The following PRKAR1A variants were observed in gnomAD, a reference collection of about 807,000 sequenced individuals.
The protein encoded by PRKAR1A is protein kinase cAMP-dependent type I regulatory subunit alpha.
In PRKAR1A, 3 loss-of-function variants were observed where a neutral mutation model predicts 52.0. That is an observed-to-expected ratio of 0.06 (90% CI 0.03 to 0.15). The LOEUF (loss-of-function observed/expected upper bound fraction) is 0.15. Ranked by LOEUF, PRKAR1A falls within the 10% of genes least tolerant of loss-of-function variation. The probability of loss-of-function intolerance (pLI) is 1.00; values close to 1 mark genes in which losing one functional copy is unlikely to be tolerated. For missense variants in PRKAR1A, 240 were observed against 477.4 expected, an observed-to-expected ratio of 0.50 and a Z score of 4.63; for synonymous variants, 188 against 168.4, an observed-to-expected ratio of 1.12 and a Z score of -0.90.
chr17:68,549,447 T>G (rs573968577), intron 11 of PRKAR1A, among the ~76,000 whole-genome samples: 1 of 149,302 alleles, frequency 6.7e-6, no homozygotes, highest in Admixed American at 6.7e-5. Flanking sequence ...TGAGCCGAGA[T>G]AGCGCCACTG....
the PRKAR1A span, among the ~76,000 whole-genome samples, chr17:68,491,811 G>A: frequency 6.6e-6 from 1 of 151,510 alleles, no homozygotes; most frequent in Non-Finnish European, 1.5e-5. Context: ...AAAAAAGTAG[G>A]TGGGATCCTT....
At chr17:68,462,916 G>T in the PRKAR1A span, among the ~76,000 whole-genome samples, 1 of 152,084 alleles carries the variant, frequency 6.6e-6, no homozygotes, top group South Asian at 2.1e-4. Context: ...ATTTACCAAG[G>T]GTACATCTAG....
At chr17:68,464,699 CAAA>C in the PRKAR1A span, among the ~76,000 whole-genome samples, 1 of 81,082 alleles carries the variant, frequency 1.2e-5, no homozygotes, top group South Asian at 3.4e-4. Flanking sequence ...AAAAAAAAAA[CAAA>C]AAAAACAAAA....
At chr17:68,429,987 T>C in the PRKAR1A span, 1 of 1,614,054 alleles carries the variant, frequency 6.2e-7, no homozygotes, top group Non-Finnish European at 8.5e-7. Context: ...TGGGTGTCAT[T>C]GTACGTACGT....
chr17:68,422,110 C>T, the PRKAR1A span: 1 of 377,608 alleles, frequency 2.6e-6, no homozygotes, highest in Non-Finnish European at 4.9e-6. Context: ...TACTTGTAAA[C>T]ATGGACTGCT....
chr17:68,513,850 G>T (rs371056234), intron 1 of PRKAR1A, among the ~76,000 whole-genome samples: 2 of 152,054 alleles, frequency 1.3e-5, no homozygotes, highest in South Asian at 4.1e-4. Flanking sequence ...ATCTCTACCA[G>T]CCAAAGACCT....
At chr17:68,426,438 G>A in the PRKAR1A span, among the ~76,000 whole-genome samples, 1 of 152,136 alleles carries the variant, frequency 6.6e-6, no homozygotes, top group Admixed American at 6.5e-5. Flanking sequence ...TCAGTATGTT[G>A]CCCAGGCTGG....
the PRKAR1A span, among the ~76,000 whole-genome samples, chr17:68,414,932 G>A: frequency 6.6e-6 from 1 of 151,914 alleles, no homozygotes; most frequent in East Asian, 1.9e-4. Flanking sequence ...TCTTTTCTTG[G>A]TTAATCTTGC....
At chr17:68,534,041 T>C (rs2086043888), downstream of PRKAR1A, among the ~76,000 whole-genome samples, 1 of 152,212 alleles carries the variant, frequency 6.6e-6, no homozygotes, top group African/African-American at 2.4e-5. Flanking sequence ...GGTATTATTA[T>C]AATAGCTATC....
chr17:68,471,647 G>A, the PRKAR1A span, among the ~76,000 whole-genome samples: 8,630 of 152,148 alleles, frequency 0.057, 801 homozygotes, highest in African/African-American at 0.19. Flanking sequence ...AGAGGGGGGA[G>A]GTCTTCGCCA....
At chr17:68,545,076 G>GA (rs1324407425) in intron 11 of PRKAR1A, among the ~76,000 whole-genome samples, 4 of 152,056 alleles carry the variant, frequency 2.6e-5, no homozygotes, top group East Asian at 1.9e-4. Context: ...TCTTTAATCA[G>GA]AAAAAAATGG....
chr17:68,457,509 C>T, the PRKAR1A span: 2 of 1,134,192 alleles, frequency 1.8e-6, no homozygotes, highest in Non-Finnish European at 2.3e-6. Context: ...GCCGGGTCGC[C>T]GGTCCTGCCC....
At chr17:68,507,833 A>G (rs1447608027), upstream of PRKAR1A, among the ~76,000 whole-genome samples, 1 of 152,228 alleles carries the variant, frequency 6.6e-6, no homozygotes, top group Admixed American at 6.5e-5. Context: ...AAGGAAGAAC[A>G]TTTTAGAAGA....
At chr17:68,458,706 T>C in the PRKAR1A span, among the ~76,000 whole-genome samples, 2 of 152,356 alleles carry the variant, frequency 1.3e-5, no homozygotes, top group East Asian at 1.9e-4. Context: ...CCATGCGGAA[T>C]TACTGTCAAT....
the PRKAR1A span, among the ~76,000 whole-genome samples, chr17:68,465,219 A>G: frequency 2.0e-5 from 3 of 151,972 alleles, no homozygotes; most frequent in Non-Finnish European, 2.9e-5. Context: ...GGCGTGAGCC[A>G]CCGCGCCCGG....
chr17:68,437,252 T>C, the PRKAR1A span, among the ~76,000 whole-genome samples: 2 of 152,100 alleles, frequency 1.3e-5, no homozygotes, highest in Non-Finnish European at 1.5e-5. Flanking sequence ...CAAGAACCTA[T>C]TTAGAAACTG....
the PRKAR1A span, among the ~76,000 whole-genome samples, chr17:68,417,523 G>A: frequency 6.6e-6 from 1 of 151,864 alleles, no homozygotes; most frequent in African/African-American, 2.4e-5. Flanking sequence ...TCATCTCTCA[G>A]ACTTGTCCAC....
chr17:68,512,498 A>C lies in PRKAR1A; in HGVS notation c.-57A>C, dbSNP rs1258321700. The C allele has an allele frequency of 3.2e-5, 5 of 154,092 alleles. No individual in the cohort carries two copies. The highest frequency in any genetic ancestry group is 7.2e-5 in the Non-Finnish European group (5 of 69,030). The allele number at this position is 154,092 out of a possible 1,614,324, so 9.5% of individuals were successfully genotyped here. ...GAGCAAAGCGCTGAGGGAGCTCGGT[A>C]CGCCGCCGCCTCGCACCCGCAGCCT... On this transcript the variant is annotated 5_prime_UTR_variant, in exon 1 of 11. Transcript: ENST00000589228.
chr17:68,474,792 A>G, the PRKAR1A span, among the ~76,000 whole-genome samples: 24 of 151,738 alleles, frequency 1.6e-4, no homozygotes, highest in African/African-American at 5.3e-4. Flanking sequence ...CTACTCATGA[A>G]AATCGCTTGA....
Sources: gnomAD v4.1 joint callset for allele counts (sites outside exome capture counted in the v4.1 genomes callset) on GRCh38, gnomAD v4.1.1 for gene constraint, MANE v1.5 for transcripts, NCBI Gene and HGNC (gene_info 2026-07-23, HGNC 2026-07-21) for gene names.